The following GLCCI1 variants were observed in gnomAD, a reference collection of about 807,000 sequenced individuals.
The protein encoded by GLCCI1 is glucocorticoid induced 1, also known as glucocorticoid-induced transcript 1 protein.
Under a neutral mutation model 52.2 loss-of-function variants are expected in GLCCI1, and 24 were observed. The observed-to-expected ratio is 0.46, with a 90% CI of 0.33 to 0.65. The LOEUF (loss-of-function observed/expected upper bound fraction) is 0.65, where lower values mean the gene tolerates loss of function less well. Ranked by LOEUF, GLCCI1 falls within the 30% of genes least tolerant of loss-of-function variation. GLCCI1 has a pLI of 0.02. For synonymous variants in GLCCI1, 310 were observed against 276.5 expected (o/e 1.12, Z -1.20); for missense variants, 704 against 701.5 (o/e 1.00, Z -0.04).
At chr7:8,063,615 CTTT>C (rs917291629) in intron 5 of GLCCI1, among the ~76,000 whole-genome samples, 7 of 113,644 alleles carry the variant, frequency 6.2e-5, no homozygotes, top group African/African-American at 1.0e-4. Context: ...ACTTTTCTTC[CTTT>C]TTTTTTTTTT....
intron 3 of GLCCI1, among the ~76,000 whole-genome samples, chr7:8,049,319 G>A (rs1782205218): frequency 6.6e-6 from 1 of 151,998 alleles, no homozygotes; most frequent in South Asian, 2.1e-4. Flanking sequence ...GGTATTTTCA[G>A]TACATATTTG....
chr7:8,085,393 C>G (rs1327258874), intron 7 of GLCCI1, among the ~76,000 whole-genome samples: 2 of 152,228 alleles, frequency 1.3e-5, no homozygotes, highest in Non-Finnish European at 2.9e-5. Flanking sequence ...GAAGATTAGT[C>G]TCCTTCCCTG....
At chr7:8,065,733 T>A (rs1227208783) in intron 5 of GLCCI1, among the ~76,000 whole-genome samples, 1 of 152,230 alleles carries the variant, frequency 6.6e-6, no homozygotes, top group Non-Finnish European at 1.5e-5. Flanking sequence ...CAACATTGCA[T>A]CCCAGGGATA....
chr7:8,027,989 A>G (rs999391129), intron 3 of GLCCI1, among the ~76,000 whole-genome samples: 1 of 152,230 alleles, frequency 6.6e-6, no homozygotes, highest in African/African-American at 2.4e-5. Context: ...AAAGAGGAAG[A>G]TAGACCCCAA....
Position 8,068,185 on chromosome 7 carries a change from C to A in GLCCI1, c.967-2736C>A, listed in dbSNP as rs568972492. Among the ~76,000 whole-genome samples, 5 of 152,274 alleles carry A rather than the reference C, an allele frequency of 3.3e-5. No homozygotes were observed. The East Asian group carries it at 7.7e-4, about 24-fold the overall frequency. ...CCAACGTGGTGAAACCCCATCTCTA[C>A]TAAAAATACAAAACATTAGCCGGTC... On this transcript the variant is annotated intron_variant, in intron 5 of 7. Transcript: ENST00000223145.
chr7:8,060,124 C>A lies in GLCCI1; in HGVS notation c.842C>A (p.Pro281Gln). Residue 281 changes from proline to glutamine, a missense_variant, in exon 5 of 8, where the codon CCA becomes CAA. Transcript: ENST00000223145. ...ACTGGATCAAGGTCAGTTCCTATGC[C>A]ACTGTCAAATATATCAGTGCCAAAA... is the stretch of plus-strand genomic sequence containing the variant. ...QATGSRSVPM[P>Q]LSNISVPKSS... 1 of 1,613,570 alleles carries A rather than the reference C, an allele frequency of 6.2e-7. No individual in the cohort carries two copies. Among genetic ancestry groups the A allele is most frequent in the Non-Finnish European group, 8.5e-7 (1 of 1,179,714 alleles).
At chr7:8,031,209 G>A (rs906388261) in intron 3 of GLCCI1, among the ~76,000 whole-genome samples, 2 of 152,006 alleles carry the variant, frequency 1.3e-5, no homozygotes, top group African/African-American at 2.4e-5. Context: ...ATTCAGCCAC[G>A]AAAAGAATGA....
At chr7:8,063,692 T>TAA (rs1782568116) in intron 5 of GLCCI1, among the ~76,000 whole-genome samples, 1 of 150,028 alleles carries the variant, frequency 6.7e-6, no homozygotes, top group South Asian at 2.1e-4. Context: ...AGTCATGGCT[T>TAA]ACTGTGGCCT....
intron 5 of GLCCI1, among the ~76,000 whole-genome samples, chr7:8,063,793 T>A (rs1185215467): frequency 2.6e-5 from 4 of 151,750 alleles, no homozygotes; most frequent in Non-Finnish European, 5.9e-5. Context: ...TGATTTTTTT[T>A]TTAATTTTAG....
intron 3 of GLCCI1, among the ~76,000 whole-genome samples, chr7:8,023,679 G>A (rs1373180890): frequency 3.0e-5 from 4 of 131,732 alleles, no homozygotes; most frequent in African/African-American, 5.8e-5. Context: ...GCTCACTGCA[G>A]CTTCCACCTC....
intron 4 of GLCCI1, 99 bp downstream of exon 4, chr7:8,055,648 C>A: frequency 1.3e-6 from 1 of 776,464 alleles, no homozygotes; most frequent in Non-Finnish European, 2.2e-6. Flanking sequence ...AAATATTTAG[C>A]TCTACTAAAT....
intron 2 of GLCCI1, among the ~76,000 whole-genome samples, chr7:8,013,991 C>CA (rs1554259900): frequency 7.5e-6 from 1 of 133,276 alleles, no homozygotes; most frequent in East Asian, 2.1e-4. Context: ...AAGGCCTTGA[C>CA]TTTTTTTTTT....
At chr7:7,978,232 C>CT (rs1278514803) in intron 1 of GLCCI1, among the ~76,000 whole-genome samples, 1 of 152,122 alleles carries the variant, frequency 6.6e-6, no homozygotes, top group Non-Finnish European at 1.5e-5. Flanking sequence ...AATAAGGTCT[C>CT]TTTTTTGTGT....
intron 3 of GLCCI1, among the ~76,000 whole-genome samples, chr7:8,043,393 T>G (rs553473162): frequency 1.3e-5 from 2 of 151,762 alleles, no homozygotes; most frequent in South Asian, 4.2e-4. Flanking sequence ...CAGTAAAAGT[T>G]TATTTGCAAA....
chr7:7,980,961 T>C, intron 1 of GLCCI1: 1 of 581,850 alleles, frequency 1.7e-6, no homozygotes, highest in Non-Finnish European at 3.2e-6. Context: ...TAAAGAGTGG[T>C]AGAGTTGACA....
intron 1 of GLCCI1, among the ~76,000 whole-genome samples, chr7:7,983,531 A>T (rs932503421): frequency 3.3e-5 from 5 of 152,170 alleles, no homozygotes; most frequent in African/African-American, 1.2e-4. Flanking sequence ...TGCTTCACCA[A>T]ATAATAGCAT....
intron 2 of GLCCI1, 146 bp from the exon 3 acceptor site, chr7:8,022,337 G>T: frequency 3.2e-6 from 1 of 312,468 alleles, no homozygotes; most frequent in Non-Finnish European, 5.6e-6. Flanking sequence ...AACATTTCAC[G>T]GGGTCACAAA....
chr7:8,065,775 T>G (rs984318697), intron 5 of GLCCI1, among the ~76,000 whole-genome samples: 3 of 152,246 alleles, frequency 2.0e-5, no homozygotes, highest in Non-Finnish European at 4.4e-5. Context: ...ATTCACTTTT[T>G]GATCTGCTGC....
intron 3 of GLCCI1, among the ~76,000 whole-genome samples, chr7:8,026,950 A>C (rs1372487088): frequency 6.6e-6 from 1 of 152,222 alleles, no homozygotes; most frequent in Admixed American, 6.5e-5. Context: ...AATCTGAAAA[A>C]AACACAGTGT....
Sources: gnomAD v4.1 joint callset for allele counts (sites outside exome capture counted in the v4.1 genomes callset) on GRCh38, gnomAD v4.1.1 for gene constraint, MANE v1.5 for transcripts, NCBI Gene and HGNC (gene_info 2026-07-23, HGNC 2026-07-21) for gene names.